Variants in ALG14 observed in about 807,000 individuals in gnomAD.
The protein encoded by ALG14 is UDP-N-acetylglucosamine transferase subunit ALG14.
ALG14 carries 17 observed loss-of-function variants against 22.8 expected under a neutral mutation model. The ratio of observed to expected loss-of-function variants is 0.75; its 90% confidence interval spans 0.51 to 1.12. The LOEUF is 1.12. Among genes scored for constraint, ALG14 ranks in the 50% most tolerant of loss-of-function variants. The pLI is 0.00. For missense variants in ALG14, 288 were observed against 271.8 expected, an observed-to-expected ratio of 1.06 and a Z score of -0.42; for synonymous variants, 89 against 103.7, an observed-to-expected ratio of 0.86 and a Z score of 0.86.
At chr1:94,995,647 G>C (rs1271780045) in intron 3 of ALG14, among the ~76,000 whole-genome samples, 2 of 152,208 alleles carry the variant, frequency 1.3e-5, no homozygotes, top group African/African-American at 4.8e-5. Flanking sequence ...TGGCGGGGCA[G>C]AGGATGCAGT....
At chr1:95,066,500 G>A (rs1675373119) in intron 1 of ALG14, among the ~76,000 whole-genome samples, 1 of 152,118 alleles carries the variant, frequency 6.6e-6, no homozygotes, top group Non-Finnish European at 1.5e-5. Context: ...TGGGATTACA[G>A]GCGTGAGCCA....
chr1:95,058,902 CAT>C (rs1252563760), intron 2 of ALG14, among the ~76,000 whole-genome samples: 1 of 151,686 alleles, frequency 6.6e-6, no homozygotes, highest in Non-Finnish European at 1.5e-5. Context: ...TTTTTCCTCT[CAT>C]TCTTGACATT....
intron 3 of ALG14, among the ~76,000 whole-genome samples, chr1:95,002,172 G>T (rs1673086163): frequency 6.6e-6 from 1 of 152,132 alleles, no homozygotes; most frequent in Non-Finnish European, 1.5e-5. Flanking sequence ...CAGTGATGAG[G>T]GATGAGTTCA....
chr1:94,989,975 T>C (rs1044354924), intron 3 of ALG14, among the ~76,000 whole-genome samples: 1 of 152,046 alleles, frequency 6.6e-6, no homozygotes, highest in African/African-American at 2.4e-5. Flanking sequence ...CACTGGACCA[T>C]GGGCATAGGA....
intron 3 of ALG14, among the ~76,000 whole-genome samples, chr1:94,986,957 C>T (rs1672661301): frequency 6.6e-6 from 1 of 152,074 alleles, no homozygotes; most frequent in Non-Finnish European, 1.5e-5. Flanking sequence ...GTCACTGGTT[C>T]AGGGAAGAGC....
chr1:95,006,290 C>T (rs1017002946), intron 3 of ALG14, among the ~76,000 whole-genome samples: 24 of 152,012 alleles, frequency 1.6e-4, no homozygotes, highest in African/African-American at 4.6e-4. Flanking sequence ...TTATTTTTTC[C>T]TTTTTATTAA....
chr1:95,001,649 C>A (rs1481461315), intron 3 of ALG14, among the ~76,000 whole-genome samples: 1 of 152,144 alleles, frequency 6.6e-6, no homozygotes, highest in Non-Finnish European at 1.5e-5. Context: ...GTGTGCACCA[C>A]CATGTCTGGC....
chr1:95,011,637 G>A (rs1237773349), intron 3 of ALG14, among the ~76,000 whole-genome samples: 1 of 151,712 alleles, frequency 6.6e-6, no homozygotes, highest in Non-Finnish European at 1.5e-5. Context: ...CCGTGGCCTC[G>A]ATCTCCTGAC....
intron 1 of ALG14, 101 bp from the exon 2 acceptor site, chr1:95,065,118 G>A (rs1229851375): frequency 3.0e-6 from 3 of 1,013,230 alleles, no homozygotes; most frequent in Non-Finnish European, 4.1e-6. Flanking sequence ...GGGGGTGGGG[G>A]GGCACTGTAA....
At chr1:94,990,047 A>C (rs1472982189) in intron 3 of ALG14, among the ~76,000 whole-genome samples, 1 of 152,222 alleles carries the variant, frequency 6.6e-6, no homozygotes, top group African/African-American at 2.4e-5. Context: ...AGAGTGCTCC[A>C]GGGTACGGAA....
At chr1:95,069,077 T>C (rs562331171) in intron 1 of ALG14, among the ~76,000 whole-genome samples, 73 of 152,324 alleles carry the variant, frequency 4.8e-4, no homozygotes, top group Non-Finnish European at 8.8e-4. Context: ...ATCACCTTCT[T>C]TTCACATCCT....
At chr1:94,991,040 T>C (rs552778300) in intron 3 of ALG14, among the ~76,000 whole-genome samples, 101 of 152,384 alleles carry the variant, frequency 6.6e-4, no homozygotes, top group Non-Finnish European at 1.4e-3. Flanking sequence ...CAGACCCTGG[T>C]TGGCTGCTTA....
In ALG14 at chr1:95,064,962, T is replaced by A. The variant is rs1675304981; in HGVS notation, c.192A>T (p.Ser64=). The change falls in exon 2 of 4, where the codon TCA becomes TCT. Residue 64 remains serine (S), a synonymous_variant. Coordinates refer to ENST00000370205, the MANE Select transcript of ALG14 (RefSeq NM_144988.4). The part of the protein sequence containing the change: ...RLLGSLSNAY[S]PRHYVIADTD... ...TGTCAGCAATGACATAATGTCTAGGTGAGTAGGCATTGGACAAGCTCCCAA... is the reference window on the plus strand; with the variant it reads ...TGTCAGCAATGACATAATGTCTAGGAGAGTAGGCATTGGACAAGCTCCCAA... 1.2e-6 allele frequency: 2 copies of A among 1,613,750 alleles called. No homozygotes were observed. The highest frequency in any genetic ancestry group is 1.3e-5 in the African/African-American group (1 of 74,916).
intron 1 of ALG14, among the ~76,000 whole-genome samples, chr1:95,066,675 G>T (rs886267668): frequency 3.3e-5 from 5 of 152,046 alleles, no homozygotes; most frequent in African/African-American, 1.2e-4. Context: ...TTCTTGACTG[G>T]GGCATATAAT....
intron 2 of ALG14, among the ~76,000 whole-genome samples, chr1:95,033,334 T>C (rs1335202362): frequency 6.6e-6 from 1 of 151,496 alleles, no homozygotes; most frequent in African/African-American, 2.4e-5. Flanking sequence ...AGGGACACTG[T>C]AGGCTGCTAA....
intron 3 of ALG14, among the ~76,000 whole-genome samples, chr1:94,997,418 T>C (rs1450805950): frequency 3.9e-5 from 6 of 152,220 alleles, no homozygotes; most frequent in Admixed American, 3.3e-4. Flanking sequence ...ATGGTGATAA[T>C]ATTAAACCTC....
At chr1:95,039,598 A>G (rs1167641994) in intron 2 of ALG14, among the ~76,000 whole-genome samples, 1 of 152,166 alleles carries the variant, frequency 6.6e-6, no homozygotes. Flanking sequence ...TCTTGTTTGG[A>G]GCATAATTTT....
Position 94,983,108 on chromosome 1 carries a change from G to A in ALG14, c.619C>T (p.Pro207Ser). Reference sequence around the variant, plus strand: ...ATTCGCCCAAGGTACACCGATTTGGGATACTTTTCTTTCAGAGCCGGCCAC... The same window carrying A: ...ATTCGCCCAAGGTACACCGATTTGGAATACTTTTCTTTCAGAGCCGGCCAC... ...VQWPALKEKY[P>S]KSVYLGRIV Residue 207 changes from proline (P) to serine (S), a missense_variant, in exon 4 of 4, where the codon CCC becomes TCC. Coordinates refer to ENST00000370205, the MANE Select transcript of ALG14 (RefSeq NM_144988.4). The A allele has an allele frequency of 6.2e-7, 1 of 1,614,150 alleles. No homozygotes were observed. Among genetic ancestry groups the A allele is most frequent in the Non-Finnish European group, 8.5e-7 (1 of 1,180,022 alleles).
Position 94,983,248 on chromosome 1 carries a change from C to T in ALG14, c.479G>A (p.Gly160Glu). 6.2e-7 allele frequency: 1 copy of T among 1,614,010 alleles called. No individual in the cohort carries two copies. Among genetic ancestry groups the T allele is most frequent in the Non-Finnish European group, 8.5e-7 (1 of 1,180,004 alleles). Residue 160 changes from glycine to glutamate, a missense_variant, in exon 4 of 4, where the codon GGG becomes GAG. Physicochemically the swap from Gly to Glu is moderately conservative, Grantham distance 98. Transcript: ENST00000370205. ...VPICVSALLL[G>E]ILGIKKVIIV... ...GATCACTTTCTTTATTCCTAGTATC[C>T]CAAGGAGAAGGGCAGATACACAGAT...
Sources: allele counts gnomAD v4.1 joint callset (sites outside exome capture counted in the v4.1 genomes callset), GRCh38; gene constraint gnomAD v4.1.1; transcripts MANE v1.5; gene names NCBI Gene and HGNC (gene_info 2026-07-23, HGNC 2026-07-21).